The following WWC2 variants were observed in gnomAD, a reference collection of about 807,000 sequenced individuals.
WWC2 encodes WW and C2 domain containing 2, also known as protein WWC2.
In WWC2, 101 loss-of-function variants were observed where a neutral mutation model predicts 138.5. The observed-to-expected ratio is 0.73, with a 90% CI of 0.62 to 0.86. WWC2 has a LOEUF of 0.86. Ranked by LOEUF, WWC2 falls within the 40% of genes least tolerant of loss-of-function variation. The probability of loss-of-function intolerance (pLI) is 0.00; values close to 1 mark genes in which losing one functional copy is unlikely to be tolerated. For synonymous variants in WWC2, 558 were observed against 538.4 expected (o/e 1.04, Z -0.50); for missense variants, 1,420 against 1,419.4 (o/e 1.00, Z -0.01).
intron 19 of WWC2, 116 bp from the exon 20 acceptor site, chr4:183,285,847 TAAAG>T (rs1398056046): frequency 2.1e-5 from 18 of 877,450 alleles, no homozygotes; most frequent in Admixed American, 1.8e-4. Context: ...GGGATTTTCT[TAAAG>T]AAATAAACTC....
intron 9 of WWC2, 92 bp downstream of exon 9, chr4:183,254,091 C>T (rs1737066358): frequency 9.3e-6 from 14 of 1,509,138 alleles, no homozygotes; most frequent in Non-Finnish European, 1.2e-5. Context: ...ATCTCAATTG[C>T]ATCTGTTCTT....
chr4:183,272,106 G>C (rs1001966638), intron 16 of WWC2, among the ~76,000 whole-genome samples: 4 of 152,166 alleles, frequency 2.6e-5, no homozygotes, highest in Admixed American at 1.3e-4. Context: ...TCATGAATTT[G>C]GCATTTGTGG....
intron 20 of WWC2, among the ~76,000 whole-genome samples, chr4:183,287,917 C>G (rs1738310121): frequency 6.6e-6 from 1 of 152,154 alleles, no homozygotes; most frequent in Non-Finnish European, 1.5e-5. Context: ...AGAAACTGGC[C>G]AACCCTACAA....
chr4:183,282,375 T>A (rs1738103173), intron 17 of WWC2, among the ~76,000 whole-genome samples: 1 of 152,238 alleles, frequency 6.6e-6, no homozygotes. Context: ...AATACCAAGT[T>A]ATTTTATAGT....
intron 1 of WWC2, among the ~76,000 whole-genome samples, chr4:183,131,636 GTTT>G (rs1332809115): frequency 6.6e-6 from 1 of 152,072 alleles, no homozygotes; most frequent in African/African-American, 2.4e-5. Flanking sequence ...TTAATTGCTT[GTTT>G]TTTAACTGTC....
chr4:183,229,726 T>C (rs1736185462), intron 4 of WWC2, among the ~76,000 whole-genome samples: 1 of 152,074 alleles, frequency 6.6e-6, no homozygotes, highest in Non-Finnish European at 1.5e-5. Flanking sequence ...GTGCTCTTCA[T>C]AAATGAATAG....
intron 2 of WWC2, among the ~76,000 whole-genome samples, chr4:183,202,194 G>C (rs1655788155): frequency 6.6e-6 from 1 of 152,254 alleles, no homozygotes; most frequent in Admixed American, 6.5e-5. Flanking sequence ...TCTTCTCTGG[G>C]GGGTGGTGTA....
chr4:183,288,175 A>G (rs190520419), intron 20 of WWC2, among the ~76,000 whole-genome samples: 102 of 152,334 alleles, frequency 6.7e-4, no homozygotes, highest in African/African-American at 2.3e-3. Context: ...AAGACCATGC[A>G]GTATGTACTG....
At chr4:183,255,519 T>C (rs1461193948) in intron 9 of WWC2, among the ~76,000 whole-genome samples, 1 of 152,254 alleles carries the variant, frequency 6.6e-6, no homozygotes, top group Non-Finnish European at 1.5e-5. Flanking sequence ...TGTTTCATAC[T>C]ACTACATAGC....
chr4:183,142,629 TA>T (rs1180293986), intron 1 of WWC2, among the ~76,000 whole-genome samples: 3 of 152,246 alleles, frequency 2.0e-5, no homozygotes, highest in African/African-American at 7.2e-5. Flanking sequence ...GTGCCTATTT[TA>T]ATATTGGAAT....
intron 1 of WWC2, among the ~76,000 whole-genome samples, chr4:183,189,672 C>T (rs1475855366): frequency 6.6e-6 from 1 of 152,140 alleles, no homozygotes; most frequent in East Asian, 1.9e-4. Context: ...GTTAGCTAAA[C>T]AATGAGAACA....
intron 21 of WWC2, among the ~76,000 whole-genome samples, chr4:183,301,129 C>A (rs1231481552): frequency 6.6e-6 from 1 of 152,036 alleles, no homozygotes; most frequent in Non-Finnish European, 1.5e-5. Context: ...TGAATAGCAG[C>A]AAAATTTTTA....
At chr4:183,170,667 GAAAT>G (rs372814713) in intron 1 of WWC2, among the ~76,000 whole-genome samples, 83 of 152,192 alleles carry the variant, frequency 5.5e-4, no homozygotes, top group African/African-American at 1.9e-3. Flanking sequence ...ACAGGGAAGA[GAAAT>G]AAATAGTCAT....
chr4:183,099,548 C>A lies in WWC2; in HGVS notation c.57C>A (p.Ala19=). ...CGCTGCCCCGGGGCTGGGAGGAGGC[C>A]AGGGACTACGACGGCAAGGTCTTCT... is the stretch of plus-strand genomic sequence containing the variant. The part of the protein sequence containing the change: ...QLPLPRGWEE[A]RDYDGKVFYI... Residue 19 remains alanine, a synonymous_variant, in exon 1 of 23, where the codon GCC becomes GCA. Transcript: ENST00000403733. The A allele has an allele frequency of 7.0e-7, 1 of 1,421,534 alleles. No homozygotes were observed. The highest frequency in any genetic ancestry group is 3.2e-5 in the East Asian group (1 of 31,498). The allele number at this position is 1,421,534 out of a possible 1,614,324, so 88.1% of individuals were successfully genotyped here. A position where few individuals can be genotyped will look rare whatever the true frequency, so the allele number is the denominator to read the frequency against.
At chr4:183,251,288 T>C (rs1435326049) in intron 8 of WWC2, among the ~76,000 whole-genome samples, 2 of 152,212 alleles carry the variant, frequency 1.3e-5, no homozygotes, top group African/African-American at 4.8e-5. Flanking sequence ...GTGCCTGTGG[T>C]CCCCTTGTTG....
At chr4:183,141,588 A>G (rs1182094280) in intron 1 of WWC2, among the ~76,000 whole-genome samples, 1 of 152,148 alleles carries the variant, frequency 6.6e-6, no homozygotes, top group Non-Finnish European at 1.5e-5. Context: ...GTGTCAGTTA[A>G]AAATTATTAC....
At chr4:183,253,197 T>C (rs972176194) in intron 8 of WWC2, among the ~76,000 whole-genome samples, 1 of 152,122 alleles carries the variant, frequency 6.6e-6, no homozygotes, top group African/African-American at 2.4e-5. Context: ...TTCATACCAG[T>C]TGGCCACACC....
At chr4:183,266,680 CG>C (rs1737515746) in intron 14 of WWC2, among the ~76,000 whole-genome samples, 1 of 152,112 alleles carries the variant, frequency 6.6e-6, no homozygotes, top group African/African-American at 2.4e-5. Flanking sequence ...ACGTAGAATC[CG>C]GAATATGCAT....
At chr4:183,310,779 CTGT>C in intron 21 of WWC2, among the ~76,000 whole-genome samples, 1 of 133,442 alleles carries the variant, frequency 7.5e-6, no homozygotes, top group Non-Finnish European at 1.5e-5. Flanking sequence ...TGGACTTCAT[CTGT>C]TTTGTTCACA....
Sources: allele counts gnomAD v4.1 joint callset (sites outside exome capture counted in the v4.1 genomes callset), GRCh38; gene constraint gnomAD v4.1.1; transcripts MANE v1.5; gene names NCBI Gene and HGNC (gene_info 2026-07-23, HGNC 2026-07-21).